MYO5B: variants seen among roughly 807,000 people sequenced by gnomAD.
The protein encoded by MYO5B is myosin VB.
In MYO5B, 143 loss-of-function variants were observed where a neutral mutation model predicts 229.3. The ratio of observed to expected loss-of-function variants is 0.62; its 90% CI spans 0.54 to 0.72. MYO5B has a LOEUF of 0.72. Ranked by LOEUF, MYO5B falls within the 30% of genes least tolerant of loss-of-function variation. MYO5B has a pLI of 0.00. For synonymous variants in MYO5B, 918 were observed against 885.2 expected (o/e 1.04, Z -0.66); for missense variants, 2,321 against 2,331.0 (o/e 1.00, Z 0.09).
In MYO5B at chr18:49,847,193, T is replaced by C. The variant is rs752105175; in HGVS notation, c.4412A>G (p.Glu1471Gly). 1 of 1,614,132 alleles carries C rather than the reference T, an allele frequency of 6.2e-7. No homozygotes were observed. The highest frequency in any genetic ancestry group is 8.5e-7 in the Non-Finnish European group (1 of 1,180,020). The change falls in exon 33 of 40, where the codon GAG (glutamate) becomes GGG (glycine). Residue 1471 changes from glutamate (E) to glycine (G), a missense_variant. This residue lies in a region of MYO5B where 2,113 missense variants were observed against 2,044.7 expected (regional missense o/e 1.03). Coordinates refer to ENST00000285039, the MANE Select transcript of MYO5B (RefSeq NM_001080467.3). ...RKEKDFQGML[E>G]YHKEDEALLI... is the part of the protein sequence containing the mutation. The stretch of plus-strand genomic sequence containing the variant: ...GAGGGCCTCGTCCTCTTTGTGGTAC[T>C]CCAGCATGCCCTGGAAATCCTTCTC...
rs1374096177 is a variant in MYO5B, at chr18:49,929,503, G to A, written c.2090+9C>T. 9 of 1,601,596 alleles carry A rather than the reference G, an allele frequency of 5.6e-6. No individual in the cohort carries two copies. The highest frequency in any genetic ancestry group is 2.7e-5 in the African/African-American group (2 of 74,638). ...GCCCCAGGAGGCAGCTGGCGGGCACGTTAGTTACCTGGATGGGTAGCCAGC... is the reference window on the plus strand; with the variant it reads ...GCCCCAGGAGGCAGCTGGCGGGCACATTAGTTACCTGGATGGGTAGCCAGC... On this transcript the variant is annotated intron_variant, in intron 17 of 39. Coordinates refer to ENST00000285039, the MANE Select transcript of MYO5B (RefSeq NM_001080467.3).
At chr18:49,857,011 C>T in intron 29 of MYO5B, 121 bp from the exon 30 acceptor site, 5 of 789,764 alleles carry the variant, frequency 6.3e-6, no homozygotes, top group Non-Finnish European at 1.1e-5. Flanking sequence ...AGGCAAGGCT[C>T]AAGAACTCCC....
At chr18:50,038,333 G>T (rs1302075547) in intron 3 of MYO5B, among the ~76,000 whole-genome samples, 1 of 152,180 alleles carries the variant, frequency 6.6e-6, no homozygotes. Flanking sequence ...TGTCTGAAAA[G>T]AGACACTGGG....
chr18:49,932,660 G>A (rs1356957422), intron 16 of MYO5B, among the ~76,000 whole-genome samples: 3 of 152,034 alleles, frequency 2.0e-5, no homozygotes, highest in Admixed American at 6.6e-5. Context: ...TAATGACTAT[G>A]TTACAAAAAC....
intron 31 of MYO5B, among the ~76,000 whole-genome samples, chr18:49,851,360 T>A (rs953483282): frequency 1.3e-5 from 2 of 152,220 alleles, no homozygotes; most frequent in Admixed American, 6.5e-5. Context: ...CCCAGAAGGC[T>A]GAATTCTTAA....
At chr18:50,128,074 G>A (rs964972704) in intron 1 of MYO5B, among the ~76,000 whole-genome samples, 1 of 152,224 alleles carries the variant, frequency 6.6e-6, no homozygotes, top group Non-Finnish European at 1.5e-5. Flanking sequence ...TGGGTTTCCA[G>A]CTTGCTGAAT....
chr18:49,866,407 TAA>T (rs1365513886), intron 27 of MYO5B, among the ~76,000 whole-genome samples: 3 of 152,114 alleles, frequency 2.0e-5, no homozygotes, highest in Non-Finnish European at 4.4e-5. Context: ...TCAGTGACAT[TAA>T]GTCCATTTAT....
At chr18:49,915,912 TG>T (rs2025009048) in intron 17 of MYO5B, among the ~76,000 whole-genome samples, 1 of 152,174 alleles carries the variant, frequency 6.6e-6, no homozygotes, top group Admixed American at 6.5e-5. Context: ...TGGGGTAAGA[TG>T]GATTTGGGTA....
At chr18:50,069,033 G>A (rs2030889483) in intron 1 of MYO5B, among the ~76,000 whole-genome samples, 1 of 152,034 alleles carries the variant, frequency 6.6e-6, no homozygotes, top group Non-Finnish European at 1.5e-5. Flanking sequence ...GAATAAGTAG[G>A]TTCTATCATT....
At chr18:50,116,295 G>T (rs1293945968) in intron 1 of MYO5B, among the ~76,000 whole-genome samples, 1 of 152,100 alleles carries the variant, frequency 6.6e-6, no homozygotes, top group Non-Finnish European at 1.5e-5. Context: ...GGAGCAGCCT[G>T]ATCACTAGTC....
At chr18:49,966,863 A>C (rs756065581) in intron 10 of MYO5B, among the ~76,000 whole-genome samples, 59 of 152,242 alleles carry the variant, frequency 3.9e-4, no homozygotes, top group Non-Finnish European at 7.3e-4. Flanking sequence ...TTGGGGAAAC[A>C]TCTAAAATGA....
intron 2 of MYO5B, among the ~76,000 whole-genome samples, chr18:50,053,556 A>G (rs2030460796): frequency 6.6e-6 from 1 of 152,184 alleles, no homozygotes; most frequent in Non-Finnish European, 1.5e-5. Context: ...GTGGGAAGTT[A>G]TTCAACATGG....
chr18:50,021,583 T>A (rs902202921), intron 4 of MYO5B, among the ~76,000 whole-genome samples: 1 of 152,074 alleles, frequency 6.6e-6, no homozygotes, highest in Non-Finnish European at 1.5e-5. Flanking sequence ...AAAGATCAGT[T>A]TGGGTGTCAC....
chr18:49,894,832 C>T, intron 22 of MYO5B, 109 bp downstream of exon 22: 1 of 969,012 alleles, frequency 1.0e-6, no homozygotes, highest in African/African-American at 1.6e-5. Context: ...GCACATGAGC[C>T]CAAGACCATG....
At chr18:49,989,043 T>C (rs562266234) in intron 7 of MYO5B, among the ~76,000 whole-genome samples, 7 of 152,296 alleles carry the variant, frequency 4.6e-5, no homozygotes, top group African/African-American at 1.7e-4. Context: ...TCAGCTCTGC[T>C]TCCTTCAGCA....
At chr18:49,884,440 G>T (rs2024621704) in intron 22 of MYO5B, among the ~76,000 whole-genome samples, 1 of 151,840 alleles carries the variant, frequency 6.6e-6, no homozygotes, top group South Asian at 2.1e-4. Context: ...GGAGCCCTGA[G>T]CTTGTTTTCC....
intron 2 of MYO5B, among the ~76,000 whole-genome samples, chr18:50,043,509 A>G (rs1313132155): frequency 6.1e-5 from 7 of 115,390 alleles, no homozygotes; most frequent in South Asian, 4.9e-4. Flanking sequence ...AAATATAAAT[A>G]TATTTATAAG....
intron 4 of MYO5B, among the ~76,000 whole-genome samples, chr18:50,020,502 C>G (rs1474663353): frequency 6.6e-6 from 1 of 152,212 alleles, no homozygotes; most frequent in Non-Finnish European, 1.5e-5. Context: ...TAATAGTGAC[C>G]CCCTTTCTCT....
Position 49,906,607 on chromosome 18 carries a change from G to A in MYO5B, c.2226C>T (p.Gly742=), listed in dbSNP as rs2024902728. The part of the protein sequence containing the change: ...LIKDPDKFQF[G]RTKIFFRAGQ... ...CTGCTCGAAAGAAGATCTTGGTGCG[G>A]CCAAACTGGAACTTGTCGGGGTCCT... is the stretch of plus-strand genomic sequence containing the variant. The change falls in exon 19 of 40, where the codon GGC becomes GGT. Residue 742 remains glycine, a synonymous_variant. Transcript: ENST00000285039. 3 of 1,614,064 alleles carry A rather than the reference G, an allele frequency of 1.9e-6. No individual in the cohort carries two copies. The highest frequency in any genetic ancestry group is 2.5e-6 in the Non-Finnish European group (3 of 1,180,006).
Sources: gnomAD v4.1 joint callset for allele counts (sites outside exome capture counted in the v4.1 genomes callset) on GRCh38, gnomAD v4.1.1 for gene constraint, gnomAD v4.1.1 regional missense constraint, MANE v1.5 for transcripts, NCBI Gene and HGNC (gene_info 2026-07-23, HGNC 2026-07-21) for gene names.